The following ADAMTSL3 variants were observed in gnomAD, a reference collection of about 807,000 sequenced individuals.
ADAMTSL3 encodes ADAMTS like 3.
Under a neutral mutation model 201.7 loss-of-function variants are expected in ADAMTSL3, and 128 were observed. That is an observed-to-expected ratio of 0.63 (90% CI 0.55 to 0.73). The LOEUF (loss-of-function observed/expected upper bound fraction) is 0.73, where lower values mean the gene tolerates loss of function less well. ADAMTSL3 is among the 30% of genes least tolerant of loss of function. The pLI is 0.00. For missense variants in ADAMTSL3, 1,990 were observed against 2,119.6 expected (o/e 0.94, Z 1.20); for synonymous variants, 738 against 748.4 (o/e 0.99, Z 0.23).
At chr15:83,903,715 C>T (rs746684850) in intron 15 of ADAMTSL3, among the ~76,000 whole-genome samples, 82 of 151,508 alleles carry the variant, frequency 5.4e-4, no homozygotes, top group African/African-American at 1.7e-3. Flanking sequence ...CTCAGGAGTT[C>T]GAGACCAGGC....
chr15:83,766,250 G>T (rs982880898), intron 3 of ADAMTSL3, among the ~76,000 whole-genome samples: 2 of 152,140 alleles, frequency 1.3e-5, no homozygotes, highest in Non-Finnish European at 2.9e-5. Flanking sequence ...CTCACCTGAT[G>T]CTCATTGATT....
chr15:83,863,530 A>G (rs1330161187), intron 8 of ADAMTSL3, among the ~76,000 whole-genome samples: 2 of 152,238 alleles, frequency 1.3e-5, no homozygotes, highest in Admixed American at 6.5e-5. Flanking sequence ...TACATAACGA[A>G]ATGAAGGCAG....
chr15:83,919,194 G>A (rs1398469458), intron 16 of ADAMTSL3, among the ~76,000 whole-genome samples: 1 of 152,152 alleles, frequency 6.6e-6, no homozygotes, highest in East Asian at 1.9e-4. Flanking sequence ...GTACATTTAT[G>A]CATCATCTGT....
intron 19 of ADAMTSL3, among the ~76,000 whole-genome samples, chr15:83,965,946 C>T (rs773716050): frequency 6.6e-6 from 1 of 152,044 alleles, no homozygotes; most frequent in East Asian, 1.9e-4. Flanking sequence ...GGGTGAATAA[C>T]AAAATTAAGG....
chr15:83,669,141 A>T (rs1340086821), intron 2 of ADAMTSL3, among the ~76,000 whole-genome samples: 1 of 151,934 alleles, frequency 6.6e-6, no homozygotes, highest in African/African-American at 2.4e-5. Flanking sequence ...GTGTTGGAGG[A>T]GTGAGTATTT....
intron 3 of ADAMTSL3, among the ~76,000 whole-genome samples, chr15:83,758,042 T>C (rs1363507593): frequency 6.6e-6 from 1 of 152,200 alleles, no homozygotes; most frequent in Non-Finnish European, 1.5e-5. Flanking sequence ...TTCCAAACTT[T>C]CCTGTCTTCT....
intron 27 of ADAMTSL3, among the ~76,000 whole-genome samples, chr15:84,030,722 G>C (rs534992526): frequency 2.0e-5 from 3 of 152,178 alleles, no homozygotes; most frequent in African/African-American, 7.2e-5. Context: ...GATTTGGGAG[G>C]GGCCACGGGC....
intron 3 of ADAMTSL3, among the ~76,000 whole-genome samples, chr15:83,737,406 C>A (rs2062384738): frequency 6.6e-6 from 1 of 152,078 alleles, no homozygotes; most frequent in African/African-American, 2.4e-5. Context: ...GCAGTTTCCC[C>A]CATGCTGGTC....
chr15:83,958,063 G>A (rs2066893515), intron 19 of ADAMTSL3, among the ~76,000 whole-genome samples: 1 of 152,154 alleles, frequency 6.6e-6, no homozygotes, highest in Non-Finnish European at 1.5e-5. Flanking sequence ...AGTAGGTGAG[G>A]CCAAACCACA....
chr15:83,862,711 C>T (rs1221976705), intron 8 of ADAMTSL3: 1 of 152,108 alleles, frequency 6.6e-6, no homozygotes, highest in Non-Finnish European at 1.5e-5. Context: ...ACTGCATCAA[C>T]TAATGGGCAA....
intron 8 of ADAMTSL3, chr15:83,862,715 T>C (rs181828455): frequency 1.3e-5 from 2 of 152,088 alleles, no homozygotes; most frequent in Non-Finnish European, 2.9e-5. Context: ...CATCAACTAA[T>C]GGGCAAAATA....
At chr15:83,979,567 T>G (rs2067348996) in intron 20 of ADAMTSL3, among the ~76,000 whole-genome samples, 1 of 152,226 alleles carries the variant, frequency 6.6e-6, no homozygotes, top group African/African-American at 2.4e-5. Context: ...CTTTTACATG[T>G]AGGCACTAAT....
chr15:83,682,915 G>C (rs963845660), intron 2 of ADAMTSL3, among the ~76,000 whole-genome samples: 2 of 152,112 alleles, frequency 1.3e-5, no homozygotes, highest in Non-Finnish European at 2.9e-5. Context: ...TTTTCTCCCT[G>C]GGTGATTACC....
At chr15:83,798,217 T>G (rs1320800388) in intron 4 of ADAMTSL3, among the ~76,000 whole-genome samples, 1 of 152,236 alleles carries the variant, frequency 6.6e-6, no homozygotes, top group East Asian at 1.9e-4. Context: ...ATAGCATTCT[T>G]TAGTCTATTT....
chr15:83,862,595 G>A (rs574653680), intron 8 of ADAMTSL3: 2 of 152,302 alleles, frequency 1.3e-5, no homozygotes, highest in South Asian at 4.1e-4. Context: ...CACCAGGCCT[G>A]CCCTAAAAGA....
At chr15:83,817,440 C>T (rs1312737470) in intron 5 of ADAMTSL3, among the ~76,000 whole-genome samples, 2 of 152,052 alleles carry the variant, frequency 1.3e-5, no homozygotes, top group African/African-American at 2.4e-5. Context: ...TATCTGTTCT[C>T]AGAGCAGAGT....
intron 2 of ADAMTSL3, among the ~76,000 whole-genome samples, chr15:83,696,134 A>T (rs7165138): frequency 0.071 from 10,744 of 152,202 alleles, 443 homozygotes; most frequent in East Asian, 0.14. Context: ...ATTTGCCTGG[A>T]AGATACGCTT....
At chr15:83,976,557 T>C (rs1415552319) in intron 20 of ADAMTSL3, among the ~76,000 whole-genome samples, 1 of 151,866 alleles carries the variant, frequency 6.6e-6, no homozygotes, top group Non-Finnish European at 1.5e-5. Context: ...CTGAGCTTGT[T>C]TTCCTGCAAC....
chr15:83,781,060 T>A (rs376642606), intron 4 of ADAMTSL3, among the ~76,000 whole-genome samples: 2 of 152,184 alleles, frequency 1.3e-5, no homozygotes, highest in African/African-American at 4.8e-5. Context: ...TCAATGCTAT[T>A]TCTATTCAAG....
Sources: allele counts gnomAD v4.1 joint callset (sites outside exome capture counted in the v4.1 genomes callset), GRCh38; gene constraint gnomAD v4.1.1; transcripts MANE v1.5; gene names NCBI Gene and HGNC (gene_info 2026-07-23, HGNC 2026-07-21).